Variants in LRRIQ1 observed in about 807,000 individuals in gnomAD.
LRRIQ1 encodes leucine-rich repeat- and IQ domain-containing protein 1.
Under a neutral mutation model 211.9 loss-of-function variants are expected in LRRIQ1, and 210 were observed. The observed-to-expected ratio is 0.99, with a 90% CI of 0.89 to 1.11. LRRIQ1 has a LOEUF of 1.11. Ranked by LOEUF, LRRIQ1 falls within the 50% of genes most tolerant of loss-of-function variation. LRRIQ1 has a pLI of 0.00. For synonymous variants in LRRIQ1, 699 were observed against 650.1 expected (o/e 1.08, Z -1.14); for missense variants, 2,136 against 1,939.5 (o/e 1.10, Z -1.90).
chr12:85,250,304 G>A (rs1895868865), intron 1 of LRRIQ1, among the ~76,000 whole-genome samples: 1 of 151,696 alleles, frequency 6.6e-6, no homozygotes, highest in Admixed American at 6.6e-5. Context: ...CAAAACCCTG[G>A]CATTTATAAG....
chr12:85,128,522 C>T (rs904133333), intron 18 of LRRIQ1, among the ~76,000 whole-genome samples: 15 of 152,058 alleles, frequency 9.9e-5, no homozygotes. Flanking sequence ...ATTGCTTGAG[C>T]TCAGAAGTGT....
intron 15 of LRRIQ1, 141 bp from the exon 16 acceptor site, chr12:85,121,556 C>A: frequency 1.8e-6 from 1 of 565,014 alleles, no homozygotes; most frequent in Non-Finnish European, 2.7e-6. Context: ...CAAAATCTAA[C>A]TCTATCATTT....
At position 85,132,755 on chromosome 12, in the gene LRRIQ1, C is replaced by T. The variant is rs183300101; in HGVS notation, c.4209+4722C>T. On this transcript the variant is annotated intron_variant, in intron 18 of 26. Coordinates refer to ENST00000393217, the MANE Select transcript of LRRIQ1 (RefSeq NM_001079910.2). ...CCAGCCTAGGTGAAAGAGTGAGACC[C>T]TGTCTCAAAAAAATAAAAAATAAAT... Among the ~76,000 whole-genome samples, 15 of 150,888 alleles carry T rather than the reference C, an allele frequency of 9.9e-5. No homozygotes were observed. The East Asian group carries it at 2.9e-3, about 29-fold the overall frequency.
chr12:85,215,277 C>T (rs971566539), intron 24 of LRRIQ1, among the ~76,000 whole-genome samples: 1 of 152,152 alleles, frequency 6.6e-6, no homozygotes, highest in African/African-American at 2.4e-5. Context: ...TATGCATACC[C>T]TATCCTCCTT....
At chr12:85,183,207 A>G (rs1427191810) in intron 24 of LRRIQ1, among the ~76,000 whole-genome samples, 3 of 152,136 alleles carry the variant, frequency 2.0e-5, no homozygotes, top group Non-Finnish European at 4.4e-5. Flanking sequence ...GCACACTTGT[A>G]TTTGATGCAG....
At chr12:85,121,909 G>C in intron 16 of LRRIQ1, 33 bp downstream of exon 16, 1 of 1,457,420 alleles carries the variant, frequency 6.9e-7, no homozygotes, top group Non-Finnish European at 9.3e-7. Flanking sequence ...GATGTATTTA[G>C]AATCAATAAT....
chr12:85,216,721 T>C (rs1217567349), intron 24 of LRRIQ1, among the ~76,000 whole-genome samples: 4 of 151,932 alleles, frequency 2.6e-5, no homozygotes, highest in East Asian at 1.9e-4. Context: ...ATTTCTCCAA[T>C]AGAATATGAG....
At chr12:85,059,147 T>A (rs1881486283) in intron 8 of LRRIQ1, among the ~76,000 whole-genome samples, 1 of 152,022 alleles carries the variant, frequency 6.6e-6, no homozygotes, top group Non-Finnish European at 1.5e-5. Flanking sequence ...TAGCTTCAGA[T>A]CTTTATCCTT....
In LRRIQ1 at chr12:85,102,959, A is replaced by AATATAT. The variant is rs1197049295; in HGVS notation, c.3210-1022_3210-1017dup. Among the ~76,000 whole-genome samples, 145 of 108,452 alleles carry AATATAT rather than the reference A, an allele frequency of 1.3e-3. 3 individuals are homozygous for AATATAT. The highest frequency in any genetic ancestry group is 5.9e-3 in the African/African-American group (141 of 24,024). 71.1% of individuals were successfully genotyped at this position (108,452 alleles called of 152,430 possible). On this transcript the variant is annotated intron_variant, in intron 13 of 26. Transcript: ENST00000393217. ...CTAATTGTGGCAAAAAAAAAAAAAAAATATATATATATATATATATATATA... is the reference window on the plus strand; with the variant it reads ...CTAATTGTGGCAAAAAAAAAAAAAAAATATATATATATATATATATATATATATATA...
intron 15 of LRRIQ1, among the ~76,000 whole-genome samples, chr12:85,110,737 C>A (rs978768073): frequency 3.3e-5 from 5 of 151,942 alleles, no homozygotes; most frequent in African/African-American, 1.2e-4. Context: ...CTAATAAAAG[C>A]AATTCTGGGG....
chr12:85,187,622 C>T (rs1431272970), intron 24 of LRRIQ1, among the ~76,000 whole-genome samples: 1 of 151,642 alleles, frequency 6.6e-6, no homozygotes, highest in South Asian at 2.1e-4. Flanking sequence ...GCTTAGCCAA[C>T]GTGGCAAAAC....
intron 24 of LRRIQ1, among the ~76,000 whole-genome samples, chr12:85,168,932 A>G (rs563416348): frequency 6.6e-6 from 1 of 152,282 alleles, no homozygotes; most frequent in Admixed American, 6.5e-5. Context: ...TGTGAGGAAT[A>G]CCATGGCAAC....
intron 4 of LRRIQ1, among the ~76,000 whole-genome samples, chr12:85,045,459 T>A (rs1879427470): frequency 9.2e-5 from 14 of 151,942 alleles, no homozygotes; most frequent in Admixed American, 8.5e-4. Flanking sequence ...CTCTATTGAA[T>A]TTTTTGTAAT....
chr12:85,185,172 T>A, intron 24 of LRRIQ1, among the ~76,000 whole-genome samples: 1 of 151,950 alleles, frequency 6.6e-6, no homozygotes, highest in East Asian at 1.9e-4. Flanking sequence ...TTTTTATTGA[T>A]AATATATCAA....
At chr12:85,206,858 A>G (rs1385663411) in intron 24 of LRRIQ1, among the ~76,000 whole-genome samples, 1 of 152,224 alleles carries the variant, frequency 6.6e-6, no homozygotes, top group Admixed American at 6.5e-5. Flanking sequence ...CTCATCTCAC[A>G]GGCAAGATTG....
At position 85,154,105 on chromosome 12, in the gene LRRIQ1, A is replaced by G; in HGVS notation, c.4720+11A>G. ...TAAAGAAAAAAATAGGTGAGTAATTAGTGCTCTTTGAATAATAACTGTGTA... is the reference window on the plus strand; with the variant it reads ...TAAAGAAAAAAATAGGTGAGTAATTGGTGCTCTTTGAATAATAACTGTGTA... On this transcript the variant is annotated intron_variant, in intron 23 of 26. Coordinates refer to ENST00000393217, the MANE Select transcript of LRRIQ1 (RefSeq NM_001079910.2). 11 of 1,476,530 alleles carry G rather than the reference A, an allele frequency of 7.4e-6. No homozygotes were observed. Among genetic ancestry groups the G allele is most frequent in the Non-Finnish European group, 1.0e-5 (11 of 1,088,754 alleles). 91.5% of individuals were successfully genotyped at this position (1,476,530 alleles called of 1,614,324 possible). A position where few individuals can be genotyped will look rare whatever the true frequency, so the allele number is the denominator to read the frequency against.
In LRRIQ1 at chr12:85,232,685, T is replaced by TTA; in HGVS notation, c.4956-11_4956-10insTA. Reference sequence around the variant, plus strand: ...CATTATAAAATACTTTCTGTTTTTGTCACTATGCAGCAATCACTTTTTGCC... The same window carrying TTA: ...CATTATAAAATACTTTCTGTTTTTGTTACACTATGCAGCAATCACTTTTTGCC... On this transcript the variant is annotated splice_polypyrimidine_tract_variant and intron_variant, in intron 25 of 26. Coordinates refer to ENST00000393217, the MANE Select transcript of LRRIQ1 (RefSeq NM_001079910.2). 1 of 1,606,492 alleles carries TTA rather than the reference T, an allele frequency of 6.2e-7. No homozygotes were observed. Among genetic ancestry groups the TTA allele is most frequent in the Non-Finnish European group, 8.5e-7 (1 of 1,174,334 alleles).
chr12:85,095,056 A>C (rs1015815756), intron 11 of LRRIQ1, among the ~76,000 whole-genome samples: 1 of 152,168 alleles, frequency 6.6e-6, no homozygotes, highest in African/African-American at 2.4e-5. Context: ...GAATCACATC[A>C]TCAGAAAGTG....
intron 24 of LRRIQ1, among the ~76,000 whole-genome samples, chr12:85,225,440 G>A (rs2137154249): frequency 6.6e-6 from 1 of 152,252 alleles, no homozygotes; most frequent in Non-Finnish European, 1.5e-5. Context: ...CTTGATAATG[G>A]TGGTTGCAGA....
Sources: gnomAD v4.1 joint callset for allele counts (sites outside exome capture counted in the v4.1 genomes callset) on GRCh38, gnomAD v4.1.1 for gene constraint, MANE v1.5 for transcripts, NCBI Gene and HGNC (gene_info 2026-07-23, HGNC 2026-07-21) for gene names.